Variants in CDH8 observed in about 807,000 individuals in gnomAD.
CDH8 encodes cadherin-8.
In CDH8, 17 loss-of-function variants were observed where a neutral mutation model predicts 68.1. That is an observed-to-expected ratio of 0.25 (90% CI 0.17 to 0.37). The LOEUF is 0.37. Among genes scored for constraint, CDH8 ranks in the 10% least tolerant of loss-of-function variants. CDH8 has a pLI of 1.00. For missense variants in CDH8, 763 were observed against 999.3 expected, an observed-to-expected ratio of 0.76 and a Z score of 3.19; for synonymous variants, 372 against 365.1, an observed-to-expected ratio of 1.02 and a Z score of -0.21.
intron 8 of CDH8, among the ~76,000 whole-genome samples, chr16:61,734,481 G>A (rs990053840): frequency 1.3e-4 from 19 of 151,918 alleles, no homozygotes; most frequent in East Asian, 1.9e-4. Context: ...TTGTATTTTC[G>A]TGGCACTTCT....
intron 8 of CDH8, among the ~76,000 whole-genome samples, chr16:61,757,899 C>T (rs534410859): frequency 1.1e-4 from 17 of 152,180 alleles, no homozygotes; most frequent in Non-Finnish European, 1.8e-4. Context: ...TTTTTTCTGC[C>T]GCTAAGTTCT....
intron 2 of CDH8, among the ~76,000 whole-genome samples, chr16:62,020,319 T>C (rs1266999283): frequency 6.6e-6 from 1 of 152,166 alleles, no homozygotes; most frequent in Non-Finnish European, 1.5e-5. Flanking sequence ...TACATGAAGA[T>C]GTGCATCAAA....
rs1185030096 is a variant in CDH8, at chr16:61,647,954, A to G, written c.*5654T>C. The stretch of plus-strand genomic sequence containing the variant: ...GATACTTGCAAGAAATAATACTTGC[A>G]TTCAAGATGTGAATTAGATGGTGGC... On this transcript the variant is annotated 3_prime_UTR_variant, in exon 12 of 12. Transcript: ENST00000577390. The G allele has an allele frequency of 1.5e-6, 1 of 662,112 alleles. No homozygotes were observed. Among genetic ancestry groups the G allele is most frequent in the Non-Finnish European group, 2.7e-6 (1 of 365,512 alleles). 41.0% of individuals were successfully genotyped at this position (662,112 alleles called of 1,614,324 possible).
intron 2 of CDH8, among the ~76,000 whole-genome samples, chr16:62,000,479 T>C (rs1018365791): frequency 6.6e-6 from 1 of 152,242 alleles, no homozygotes; most frequent in South Asian, 2.1e-4. Context: ...GCATCTTTTC[T>C]GAGTAGACTG....
chr16:61,778,065 G>A (rs1251191525), intron 8 of CDH8, among the ~76,000 whole-genome samples: 1 of 152,088 alleles, frequency 6.6e-6, no homozygotes, highest in Non-Finnish European at 1.5e-5. Flanking sequence ...CAGTCTTACT[G>A]CTGCAACCTG....
chr16:61,901,882 A>G (rs957376233), intron 2 of CDH8, among the ~76,000 whole-genome samples: 2 of 152,058 alleles, frequency 1.3e-5, no homozygotes, highest in Non-Finnish European at 2.9e-5. Flanking sequence ...TATCCTTTTT[A>G]TTTAAAAAAC....
At chr16:61,668,379 C>T (rs1299633723) in intron 10 of CDH8, among the ~76,000 whole-genome samples, 1 of 151,822 alleles carries the variant, frequency 6.6e-6, no homozygotes, top group African/African-American at 2.4e-5. Context: ...CAAAATGCTC[C>T]ACGCACCTTT....
intron 3 of CDH8, among the ~76,000 whole-genome samples, chr16:61,888,555 C>T (rs961218194): frequency 2.0e-5 from 3 of 152,112 alleles, no homozygotes; most frequent in African/African-American, 7.2e-5. Context: ...CATGAGTAAA[C>T]TACTTTATGA....
chr16:61,677,517 T>A (rs1368716883), intron 10 of CDH8, among the ~76,000 whole-genome samples: 1 of 151,934 alleles, frequency 6.6e-6, no homozygotes, highest in Non-Finnish European at 1.5e-5. Context: ...GATGATCCTA[T>A]GTTTTGCTGC....
chr16:61,833,522 A>C (rs1228641542), intron 4 of CDH8, among the ~76,000 whole-genome samples: 1 of 151,904 alleles, frequency 6.6e-6, no homozygotes, highest in African/African-American at 2.4e-5. Context: ...AATCTACTAC[A>C]AGATGTGAAC....
At chr16:61,675,290 T>G (rs147032534) in intron 10 of CDH8, among the ~76,000 whole-genome samples, 5,061 of 152,000 alleles carry the variant, frequency 0.033, 289 homozygotes, top group African/African-American at 0.12. Flanking sequence ...TGAGTTCATA[T>G]CCTTTGTAGG....
chr16:61,956,698 TAA>T (rs1200057426), intron 2 of CDH8, among the ~76,000 whole-genome samples: 1 of 152,130 alleles, frequency 6.6e-6, no homozygotes, highest in South Asian at 2.1e-4. Context: ...AGAAATAAAA[TAA>T]AAGAATAAAA....
intron 10 of CDH8, among the ~76,000 whole-genome samples, chr16:61,677,018 C>A (rs534633232): frequency 6.6e-6 from 1 of 151,844 alleles, no homozygotes; most frequent in African/African-American, 2.4e-5. Context: ...GTCAACTATA[C>A]CACAAAAAAA....
At chr16:61,900,814 C>G (rs867031730) in intron 3 of CDH8, among the ~76,000 whole-genome samples, 35 of 152,132 alleles carry the variant, frequency 2.3e-4, no homozygotes, top group Middle Eastern at 3.2e-3. Flanking sequence ...TATACACAAA[C>G]AAATAATTAA....
intron 8 of CDH8, among the ~76,000 whole-genome samples, chr16:61,732,579 G>C (rs1698090424): frequency 6.6e-6 from 1 of 151,670 alleles, no homozygotes; most frequent in Non-Finnish European, 1.5e-5. Context: ...CAAAATCTTA[G>C]AAAATTTGTT....
At chr16:62,025,336 C>T (rs147274486) in intron 1 of CDH8, among the ~76,000 whole-genome samples, 9 of 151,714 alleles carry the variant, frequency 5.9e-5, no homozygotes, top group African/African-American at 2.2e-4. Context: ...CTACAGAGTA[C>T]ATATTAAGTA....
At chr16:62,006,364 T>C (rs1965975401) in intron 2 of CDH8, among the ~76,000 whole-genome samples, 1 of 152,158 alleles carries the variant, frequency 6.6e-6, no homozygotes, top group African/African-American at 2.4e-5. Context: ...GCAGAGGAAG[T>C]ATAGGTTTTG....
chr16:61,854,666 G>A (rs1458403770), intron 4 of CDH8, among the ~76,000 whole-genome samples: 1 of 152,026 alleles, frequency 6.6e-6, no homozygotes, highest in African/African-American at 2.4e-5. Flanking sequence ...CTTTCCATAT[G>A]CTTACAGACT....
chr16:61,881,042 T>C (rs1451737482), intron 3 of CDH8, among the ~76,000 whole-genome samples: 1 of 152,052 alleles, frequency 6.6e-6, no homozygotes, highest in Non-Finnish European at 1.5e-5. Flanking sequence ...CCAGGAGACC[T>C]TAAAACTGGA....
Sources: allele counts gnomAD v4.1 joint callset (sites outside exome capture counted in the v4.1 genomes callset), GRCh38; gene constraint gnomAD v4.1.1; transcripts MANE v1.5; gene names NCBI Gene and HGNC (gene_info 2026-07-23, HGNC 2026-07-21).